PDGFRL: variants seen among roughly 807,000 people sequenced by gnomAD.
PDGFRL encodes the protein platelet derived growth factor receptor like.
Under a neutral mutation model 37.2 loss-of-function variants are expected in PDGFRL, and 46 were observed. That is an observed-to-expected ratio of 1.24 (90% CI 0.98 to 1.58). PDGFRL has a LOEUF of 1.58. Ranked by LOEUF, PDGFRL falls within the 40% of genes most tolerant of loss-of-function variation. The pLI, the probability that PDGFRL is intolerant of heterozygous loss-of-function variation, is 0.00. For missense variants in PDGFRL, 692 were observed against 467.6 expected, an observed-to-expected ratio of 1.48 and a Z score of -4.43; for synonymous variants, 251 against 184.3, an observed-to-expected ratio of 1.36 and a Z score of -2.93.
intron 5 of PDGFRL, among the ~76,000 whole-genome samples, chr8:17,640,518 G>A (rs1022897961): frequency 6.6e-6 from 1 of 152,118 alleles, no homozygotes; most frequent in Admixed American, 6.5e-5. Flanking sequence ...GTGGCTTCCT[G>A]AGAGCCAAAC....
intron 1 of PDGFRL, among the ~76,000 whole-genome samples, chr8:17,585,571 A>G (rs1563504161): frequency 6.6e-6 from 1 of 152,174 alleles, no homozygotes; most frequent in Non-Finnish European, 1.5e-5. Flanking sequence ...GGCATCTCTC[A>G]GTGTATATAA....
At chr8:17,583,788 C>CCT (rs1321205964) in intron 1 of PDGFRL, among the ~76,000 whole-genome samples, 11 of 151,502 alleles carry the variant, frequency 7.3e-5, no homozygotes, top group Non-Finnish European at 8.8e-5. Flanking sequence ...TTGCACCTCC[C>CCT]CTCTCTCTCT....
At chr8:17,579,073 G>A (rs202058669) in intron 1 of PDGFRL, among the ~76,000 whole-genome samples, 7 of 152,020 alleles carry the variant, frequency 4.6e-5, no homozygotes, top group African/African-American at 9.7e-5. Flanking sequence ...TGGTGGGCAC[G>A]TGTAATCCCA....
chr8:17,638,050 G>T (rs950867318), intron 5 of PDGFRL, among the ~76,000 whole-genome samples: 4 of 152,028 alleles, frequency 2.6e-5, no homozygotes, highest in African/African-American at 9.7e-5. Context: ...ATTTCATTCA[G>T]TTCTGCTCAG....
chr8:17,588,378 C>G (rs1803860744), intron 1 of PDGFRL, among the ~76,000 whole-genome samples: 1 of 152,244 alleles, frequency 6.6e-6, no homozygotes, highest in South Asian at 2.1e-4. Context: ...AGAAAGTTCA[C>G]TGTGGTTCAA....
chr8:17,584,920 T>C (rs1413790634), intron 1 of PDGFRL, among the ~76,000 whole-genome samples: 1 of 152,156 alleles, frequency 6.6e-6, no homozygotes, highest in Non-Finnish European at 1.5e-5. Context: ...CGGCATGGAC[T>C]GCTCAGCTGC....
chr8:17,603,394 T>C lies in PDGFRL; in HGVS notation c.353+13629T>C, dbSNP rs542561116. Among the ~76,000 whole-genome samples, 55 of 152,340 alleles carry C rather than the reference T, an allele frequency of 3.6e-4. 1 individual carries two copies. The South Asian group carries it at 5.8e-3, about 16-fold the overall frequency. Reference sequence around the variant, plus strand: ...CCCCTGCTGGGTCTTTCAGGAGCAGTGGCCCCCTTGAACAGTGTAGTTGAT... The same window carrying C: ...CCCCTGCTGGGTCTTTCAGGAGCAGCGGCCCCCTTGAACAGTGTAGTTGAT... On this transcript the variant is annotated intron_variant, in intron 2 of 5. Coordinates refer to ENST00000251630, the MANE Select transcript of PDGFRL (RefSeq NM_001372073.1).
At chr8:17,614,414 C>T (rs926272855) in intron 2 of PDGFRL, among the ~76,000 whole-genome samples, 7 of 152,216 alleles carry the variant, frequency 4.6e-5, no homozygotes, top group African/African-American at 7.2e-5. Flanking sequence ...CGTTCTGAGA[C>T]GGAGACTTAC....
At chr8:17,591,842 G>A (rs1025049096) in intron 2 of PDGFRL, among the ~76,000 whole-genome samples, 3 of 152,126 alleles carry the variant, frequency 2.0e-5, no homozygotes, top group African/African-American at 7.2e-5. Context: ...CTTGAACCTG[G>A]GAGGCGGAGG....
intron 5 of PDGFRL, among the ~76,000 whole-genome samples, chr8:17,640,703 A>C (rs572168991): frequency 6.6e-6 from 1 of 152,180 alleles, no homozygotes; most frequent in Admixed American, 6.5e-5. Flanking sequence ...GAACTCTGTG[A>C]GGGTCCTTAG....
chr8:17,601,492 G>A (rs972088987), intron 2 of PDGFRL, among the ~76,000 whole-genome samples: 6 of 151,644 alleles, frequency 4.0e-5, no homozygotes, highest in Admixed American at 1.3e-4. Flanking sequence ...TTTAGGTTGA[G>A]CGTGTATATG....
chr8:17,592,428 C>G (rs1389877312), intron 2 of PDGFRL, among the ~76,000 whole-genome samples: 1 of 152,164 alleles, frequency 6.6e-6, no homozygotes, highest in Non-Finnish European at 1.5e-5. Flanking sequence ...ACTTAAAAGT[C>G]AGAGTTCAGC....
chr8:17,605,809 G>T (rs1459461660), intron 2 of PDGFRL, among the ~76,000 whole-genome samples: 1 of 152,196 alleles, frequency 6.6e-6, no homozygotes, highest in Non-Finnish European at 1.5e-5. Context: ...CATTTTTTCA[G>T]TCAAAAACTG....
At position 17,637,596 on chromosome 8, in the gene PDGFRL, G is replaced by C. The variant is rs1341633038; in HGVS notation, c.939+3383G>C. The stretch of plus-strand genomic sequence containing the variant: ...GATACTGGCTTCACAGAATGATTTA[G>C]GGAGGATTCCTTCTTTCTCTGTCTT... On this transcript the variant is annotated intron_variant, in intron 5 of 5. Coordinates refer to ENST00000251630, the MANE Select transcript of PDGFRL (RefSeq NM_001372073.1). 2.6e-5 allele frequency among the ~76,000 whole-genome samples: 4 copies of C among 152,288 alleles called. No individual in the cohort carries two copies. The East Asian group carries it at 7.7e-4, about 29-fold the overall frequency.
At chr8:17,632,722 A>G (rs1005612223) in intron 4 of PDGFRL, among the ~76,000 whole-genome samples, 6 of 152,050 alleles carry the variant, frequency 3.9e-5, no homozygotes, top group Non-Finnish European at 8.8e-5. Context: ...ATGGCCTCAC[A>G]TGGACTCACC....
chr8:17,641,693 C>G (rs1478924081), intron 5 of PDGFRL, among the ~76,000 whole-genome samples: 1 of 152,180 alleles, frequency 6.6e-6, no homozygotes, highest in Admixed American at 6.5e-5. Flanking sequence ...CTGCTCCCAG[C>G]ACGGAATAAT....
At chr8:17,595,337 T>C (rs1209314308) in intron 2 of PDGFRL, among the ~76,000 whole-genome samples, 6 of 152,120 alleles carry the variant, frequency 3.9e-5, no homozygotes, top group African/African-American at 1.4e-4. Context: ...CTCCCAAAGG[T>C]GCCCAGGGTC....
intron 4 of PDGFRL, among the ~76,000 whole-genome samples, chr8:17,632,218 C>G (rs191656402): frequency 2.0e-4 from 31 of 152,338 alleles, no homozygotes; most frequent in Admixed American, 4.6e-4. Context: ...TACTGTTTCT[C>G]TCCATCCTCA....
chr8:17,603,907 G>A (rs1226868619), intron 2 of PDGFRL, among the ~76,000 whole-genome samples: 2 of 152,156 alleles, frequency 1.3e-5, no homozygotes, highest in Non-Finnish European at 2.9e-5. Context: ...TCCAGAAAGA[G>A]AGAAGTGTTT....
Sources: allele counts gnomAD v4.1 joint callset (sites outside exome capture counted in the v4.1 genomes callset), GRCh38; gene constraint gnomAD v4.1.1; transcripts MANE v1.5; gene names NCBI Gene and HGNC (gene_info 2026-07-23, HGNC 2026-07-21).